Variants in GSE1 observed in about 807,000 individuals in gnomAD.
GSE1 encodes the protein genetic suppressor element 1.
In GSE1, 32 loss-of-function variants were observed where a neutral mutation model predicts 112.6. The ratio of observed to expected loss-of-function variants is 0.28; its 90% CI spans 0.21 to 0.38. The LOEUF is 0.38. Ranked by LOEUF, GSE1 falls within the 10% of genes least tolerant of loss-of-function variation. The probability of loss-of-function intolerance (pLI) is 1.00; values close to 1 mark genes in which losing one functional copy is unlikely to be tolerated. For missense variants in GSE1, 2,348 were observed against 1,699.2 expected, an observed-to-expected ratio of 1.38 and a Z score of -6.71; for synonymous variants, 1,115 against 735.6, an observed-to-expected ratio of 1.52 and a Z score of -8.35.
chr16:85,419,784 C>G lies in GSE1; in HGVS notation c.2464+62141C>G, dbSNP rs1044702050. The stretch of plus-strand genomic sequence containing the variant: ...GCCCCGCCCCCACCCCTCCAAGACT[C>G]TGATGGAAATGGTCCGAGTAGGGCT... On this transcript the variant is annotated intron_variant, in intron 2 of 2. Transcript: ENST00000637419. The surrounding 1 kb of genome is among the most constrained non-coding windows in gnomAD (Gnocchi z 6.5). Among the ~76,000 whole-genome samples, 2 of 145,954 alleles carry G rather than the reference C, an allele frequency of 1.4e-5. No individual in the cohort carries two copies. The highest frequency in any genetic ancestry group is 3.0e-5 in the Non-Finnish European group (2 of 66,070).
intron 1 of GSE1, among the ~76,000 whole-genome samples, chr16:85,623,633 G>T (rs1049165122): frequency 6.6e-6 from 1 of 152,192 alleles, no homozygotes. Flanking sequence ...GAGGACCCCG[G>T]TGCCTGCAGG....
intron 1 of GSE1, among the ~76,000 whole-genome samples, chr16:85,194,384 T>C (rs1227789211): frequency 6.6e-6 from 1 of 152,226 alleles, no homozygotes; most frequent in Non-Finnish European, 1.5e-5. Flanking sequence ...GGTCTGGGAC[T>C]ATTTCTTCTA....
chr16:85,501,683 TG>T (rs2151913752), intron 2 of GSE1, among the ~76,000 whole-genome samples: 1 of 152,362 alleles, frequency 6.6e-6, no homozygotes, highest in East Asian at 1.9e-4. Context: ...CGTGAGCCAC[TG>T]TGCCTTGCCA....
chr16:85,432,927 G>A (rs948059125), intron 2 of GSE1, among the ~76,000 whole-genome samples: 1 of 152,122 alleles, frequency 6.6e-6, no homozygotes, highest in Non-Finnish European at 1.5e-5. Context: ...ACTTACTGGG[G>A]TGGCAGATAG....
intron 2 of GSE1, among the ~76,000 whole-genome samples, chr16:85,513,864 G>A (rs1475343131): frequency 2.0e-5 from 3 of 152,126 alleles, no homozygotes; most frequent in East Asian, 3.9e-4. Flanking sequence ...CAGGGCACGT[G>A]TACAATGCAG....
chr16:85,440,954 G>A (rs370218578), intron 2 of GSE1, among the ~76,000 whole-genome samples: 4 of 152,306 alleles, frequency 2.6e-5, no homozygotes, highest in Admixed American at 2.0e-4. Flanking sequence ...GCCACTTGCC[G>A]GGGGTGGGCC....
At chr16:85,428,764 G>T (rs2049050499) in intron 2 of GSE1, among the ~76,000 whole-genome samples, 1 of 152,148 alleles carries the variant, frequency 6.6e-6, no homozygotes, top group South Asian at 2.1e-4. Context: ...CCCCATTCTA[G>T]TTACCAGGGG....
chr16:85,584,877 C>T (rs1251581810), intron 1 of GSE1, among the ~76,000 whole-genome samples: 2 of 151,616 alleles, frequency 1.3e-5, no homozygotes, highest in Non-Finnish European at 2.9e-5. Context: ...CCAAGACCCT[C>T]GCCCCCTGCA....
rs1398263656 is a variant in GSE1, at chr16:85,666,068, A to C, written c.2851A>C (p.Lys951Gln). The change falls in exon 13 of 16, where the codon AAG (lysine) becomes CAG (glutamine). Residue 951 changes from lysine (K) to glutamine (Q), a missense_variant. By Grantham distance (53) the Lys-to-Gln change is moderately conservative. Transcript: ENST00000253458. ...SDIPKAAEPG[K>Q]LEQVRPQELS... ...CATCCCAAAGGCCGCGGAGCCTGGG[A>C]AGCTGGAACAGGTCCGGCCCCAGGA... 4.3e-6 allele frequency: 7 copies of C among 1,613,294 alleles called. No individual in the cohort carries two copies. The highest frequency in any genetic ancestry group is 5.9e-6 in the Non-Finnish European group (7 of 1,180,008).
chr16:85,353,455 T>TTCGTTCCC (rs2046890371), intron 1 of GSE1, among the ~76,000 whole-genome samples: 1 of 44,366 alleles, frequency 2.3e-5, no homozygotes. Context: ...TGCATCATTT[T>TTCGTTCCC]ACGTTCCCAT....
intron 2 of GSE1, among the ~76,000 whole-genome samples, chr16:85,640,309 C>G (rs1009578138): frequency 2.0e-5 from 3 of 152,254 alleles, no homozygotes; most frequent in African/African-American, 7.2e-5. Context: ...AGAGGCCTCT[C>G]CAAGCAGGTG....
At chr16:85,485,558 T>TGCCGCC (rs950804502) in intron 2 of GSE1, among the ~76,000 whole-genome samples, 3 of 152,246 alleles carry the variant, frequency 2.0e-5, no homozygotes, top group African/African-American at 4.8e-5. Context: ...CAGGCCCGGC[T>TGCCGCC]GCCGCCGCCG....
intron 2 of GSE1, among the ~76,000 whole-genome samples, chr16:85,495,125 T>C (rs1028195425): frequency 2.6e-5 from 4 of 152,234 alleles, no homozygotes; most frequent in African/African-American, 9.6e-5. Flanking sequence ...TCTAGTGTTC[T>C]TTGTCCTTCG....
intron 2 of GSE1, among the ~76,000 whole-genome samples, chr16:85,517,862 G>A (rs1425450194): frequency 6.6e-6 from 1 of 152,266 alleles, no homozygotes; most frequent in Admixed American, 6.5e-5. Context: ...GACAAGCGGA[G>A]CCGCGTGGTC....
intron 2 of GSE1, among the ~76,000 whole-genome samples, chr16:85,453,807 G>A (rs543702725): frequency 6.6e-6 from 1 of 152,314 alleles, no homozygotes; most frequent in South Asian, 2.1e-4. Flanking sequence ...GGACCCCCAG[G>A]TGTCTGACCT....
intron 2 of GSE1, among the ~76,000 whole-genome samples, chr16:85,535,826 C>T (rs2044307020): frequency 1.3e-5 from 2 of 152,258 alleles, no homozygotes; most frequent in Admixed American, 1.3e-4. Flanking sequence ...GGCCAGCGGA[C>T]CTTCTTTCTT....
chr16:85,339,461 CTA>C (rs966326270), intron 1 of GSE1, among the ~76,000 whole-genome samples: 5 of 152,094 alleles, frequency 3.3e-5, no homozygotes, highest in Non-Finnish European at 4.4e-5. Context: ...CTTTTATTTC[CTA>C]TGTTTCCTTT....
chr16:85,431,116 G>C (rs189109388), intron 2 of GSE1, among the ~76,000 whole-genome samples: 1 of 152,320 alleles, frequency 6.6e-6, no homozygotes, highest in Admixed American at 6.5e-5. Flanking sequence ...GCCCTCCTGA[G>C]CTTGGCTCAG....
At position 85,675,156 on chromosome 16, in the gene GSE1, T is replaced by TTG. The variant is rs2053615084; in HGVS notation, c.*2618_*2619insGT. The TTG allele has an allele frequency of 6.7e-6, 1 of 148,446 alleles. No homozygotes were observed. The highest frequency in any genetic ancestry group is 1.9e-4 in the East Asian group (1 of 5,178). 9.2% of individuals were successfully genotyped at this position (148,446 alleles called of 1,614,324 possible). On this transcript the variant is annotated 3_prime_UTR_variant, in exon 16 of 16. Coordinates refer to ENST00000253458, the MANE Select transcript of GSE1 (RefSeq NM_014615.5). ...GGCTTAAAAATTGACATGCAATCTC[T>TTG]TAAGTTTTTTGTTCAGCTACTTCAC...
Sources: allele counts gnomAD v4.1 joint callset (sites outside exome capture counted in the v4.1 genomes callset), GRCh38; gene constraint gnomAD v4.1.1; non-coding constraint Gnocchi (gnomAD v3.1); transcripts MANE v1.5; gene names NCBI Gene and HGNC (gene_info 2026-07-23, HGNC 2026-07-21).